Variants in OSBPL1A observed in about 807,000 individuals in gnomAD.
The protein encoded by OSBPL1A is oxysterol-binding protein-related protein 1.
In OSBPL1A, 80 loss-of-function variants were observed where a neutral mutation model predicts 137.1. The ratio of observed to expected loss-of-function variants is 0.58; its 90% CI spans 0.49 to 0.70. The LOEUF is 0.70. Among genes scored for constraint, OSBPL1A ranks in the 30% least tolerant of loss-of-function variants. OSBPL1A has a pLI of 0.00. For missense variants in OSBPL1A, 970 were observed against 1,129.4 expected, an observed-to-expected ratio of 0.86 and a Z score of 2.02; for synonymous variants, 365 against 389.7, an observed-to-expected ratio of 0.94 and a Z score of 0.75.
intron 14 of OSBPL1A, among the ~76,000 whole-genome samples, chr18:24,288,667 C>T (rs889694027): frequency 1.3e-5 from 2 of 151,562 alleles, no homozygotes; most frequent in African/African-American, 4.8e-5. Flanking sequence ...ACTTGGGAAG[C>T]TGGGGCAGGA....
chr18:24,208,698 T>A (rs1164030887), intron 17 of OSBPL1A, among the ~76,000 whole-genome samples: 1 of 152,194 alleles, frequency 6.6e-6, no homozygotes, highest in Non-Finnish European at 1.5e-5. Context: ...ACCTGTAATA[T>A]AGGTACTTAG....
intron 17 of OSBPL1A, among the ~76,000 whole-genome samples, chr18:24,207,675 CGT>C (rs1319664232): frequency 2.0e-5 from 3 of 152,116 alleles, no homozygotes; most frequent in African/African-American, 4.8e-5. Flanking sequence ...TACTGTTATA[CGT>C]GTGTTTTGCA....
intron 1 of OSBPL1A, among the ~76,000 whole-genome samples, chr18:24,393,187 T>G (rs933043200): frequency 2.0e-5 from 3 of 152,266 alleles, no homozygotes; most frequent in African/African-American, 4.8e-5. Flanking sequence ...TGTACATGTG[T>G]ATACATTATG....
At chr18:24,266,219 C>T (rs1046592263) in intron 15 of OSBPL1A, among the ~76,000 whole-genome samples, 1 of 152,180 alleles carries the variant, frequency 6.6e-6, no homozygotes, top group Non-Finnish European at 1.5e-5. Context: ...TTATGCCTTC[C>T]TCCCTGGCTT....
At chr18:24,208,937 G>A (rs1325446075) in intron 17 of OSBPL1A, among the ~76,000 whole-genome samples, 1 of 152,154 alleles carries the variant, frequency 6.6e-6, no homozygotes, top group Non-Finnish European at 1.5e-5. Flanking sequence ...CACTGACCAA[G>A]TTAACTTCAA....
At chr18:24,245,351 C>T (rs889683111) in intron 15 of OSBPL1A, among the ~76,000 whole-genome samples, 5 of 152,148 alleles carry the variant, frequency 3.3e-5, no homozygotes, top group Non-Finnish European at 7.3e-5. Context: ...CTCTGCCTCC[C>T]AAAGTGCTGA....
At chr18:24,297,248 C>A (rs750784370) in intron 14 of OSBPL1A, among the ~76,000 whole-genome samples, 26 of 152,128 alleles carry the variant, frequency 1.7e-4, no homozygotes, top group Non-Finnish European at 2.9e-4. Context: ...AAGAATTTAT[C>A]TATTTCCTCT....
intron 16 of OSBPL1A, among the ~76,000 whole-genome samples, chr18:24,228,852 C>T (rs577238503): frequency 5.9e-5 from 9 of 152,206 alleles, no homozygotes; most frequent in African/African-American, 1.9e-4. Flanking sequence ...AGGCACAGAA[C>T]GGGCAGACAT....
chr18:24,321,579 G>C (rs1460443145), intron 7 of OSBPL1A: 2 of 444,928 alleles, frequency 4.5e-6, no homozygotes, highest in East Asian at 7.3e-5. Context: ...GTGAGCTACT[G>C]TACCTGGCCT....
chr18:24,316,819 A>C (rs1460421005), intron 11 of OSBPL1A, among the ~76,000 whole-genome samples: 1 of 152,204 alleles, frequency 6.6e-6, no homozygotes. Flanking sequence ...ACCAACAATA[A>C]TAGCAAAATA....
Position 24,312,080 on chromosome 18 carries a change from ATG to A in OSBPL1A, c.994_995del (p.His332PhefsTer15). On this transcript the variant is annotated frameshift_variant, in exon 13 of 28. Transcript: ENST00000319481. LOFTEE classifies it high-confidence loss of function. The part of the protein sequence containing the change: ...REDWLEAIEE[H>X]SAYSTHYCSQ... ...AACAGTAGTGAGTGCTGTAAGCAGA[ATG>A]TTCTTCTATTGCTTCCAGCCAGTCC... The A allele has an allele frequency of 3.1e-6, 5 of 1,614,096 alleles. No individual in the cohort carries two copies. The highest frequency in any genetic ancestry group is 4.2e-6 in the Non-Finnish European group (5 of 1,179,964).
intron 2 of OSBPL1A, among the ~76,000 whole-genome samples, chr18:24,369,713 T>C (rs1193070044): frequency 6.6e-6 from 1 of 152,158 alleles, no homozygotes; most frequent in Admixed American, 6.5e-5. Flanking sequence ...AACTCCTACA[T>C]CTGTTTCCTC....
At chr18:24,284,134 C>A (rs1318211646) in intron 14 of OSBPL1A, among the ~76,000 whole-genome samples, 4 of 152,108 alleles carry the variant, frequency 2.6e-5, no homozygotes, top group Admixed American at 1.3e-4. Context: ...CCGAACCTTG[C>A]CGTATGCCAC....
intron 13 of OSBPL1A, among the ~76,000 whole-genome samples, chr18:24,310,099 C>T (rs1381470018): frequency 1.4e-5 from 2 of 145,016 alleles, no homozygotes; most frequent in Non-Finnish European, 3.0e-5. Context: ...AGCATTCAAA[C>T]TCTGTTGGAG....
intron 17 of OSBPL1A, among the ~76,000 whole-genome samples, chr18:24,214,454 G>A (rs972762606): frequency 1.3e-5 from 2 of 152,128 alleles, no homozygotes; most frequent in African/African-American, 4.8e-5. Context: ...CTTATTACTG[G>A]TAATTTTGTT....
chr18:24,258,265 AATGG>A (rs1232288488), intron 15 of OSBPL1A, among the ~76,000 whole-genome samples: 5 of 152,206 alleles, frequency 3.3e-5, no homozygotes, highest in African/African-American at 1.2e-4. Flanking sequence ...CTTAACACAC[AATGG>A]AATACCATTC....
At chr18:24,187,049 A>G (rs2086767524) in intron 18 of OSBPL1A, among the ~76,000 whole-genome samples, 1 of 152,184 alleles carries the variant, frequency 6.6e-6, no homozygotes, top group Admixed American at 6.6e-5. Context: ...ATAAGGAAAA[A>G]TTGGCGTAGA....
At chr18:24,279,814 CT>C (rs1174367999) in intron 15 of OSBPL1A, among the ~76,000 whole-genome samples, 14 of 152,130 alleles carry the variant, frequency 9.2e-5, no homozygotes, top group Admixed American at 9.2e-4. Flanking sequence ...CAGCATACCA[CT>C]CTTACTCATA....
At chr18:24,197,069 C>T (rs1404853544) in intron 17 of OSBPL1A, among the ~76,000 whole-genome samples, 5 of 152,234 alleles carry the variant, frequency 3.3e-5, no homozygotes, top group South Asian at 2.1e-4. Context: ...AGTTGCTGGC[C>T]GGGTGTGGTG....
Sources: gnomAD v4.1 joint callset for allele counts (sites outside exome capture counted in the v4.1 genomes callset) on GRCh38, gnomAD v4.1.1 for gene constraint, MANE v1.5 for transcripts, NCBI Gene and HGNC (gene_info 2026-07-23, HGNC 2026-07-21) for gene names.